AGBL4: variants seen among roughly 807,000 people sequenced by gnomAD.
AGBL4 encodes AGBL carboxypeptidase 4.
A neutral mutation model predicts 66.4 loss-of-function variants in AGBL4; 58 were observed. The ratio of observed to expected loss-of-function variants is 0.87; its 90% CI spans 0.71 to 1.09. The LOEUF (loss-of-function observed/expected upper bound fraction) is 1.09. Among genes scored for constraint, AGBL4 ranks in the 50% least tolerant of loss-of-function variants. AGBL4 has a pLI of 0.00. For missense variants in AGBL4, 579 were observed against 631.0 expected (o/e 0.92, Z 0.88); for synonymous variants, 234 against 222.9 (o/e 1.05, Z -0.44).
intron 3 of AGBL4, among the ~76,000 whole-genome samples, chr1:49,619,684 C>A (rs1408730643): frequency 1.3e-5 from 2 of 151,910 alleles, no homozygotes; most frequent in African/African-American, 4.8e-5. Context: ...CTAAAAAAAA[C>A]AAAGCTGGAG....
At chr1:48,566,370 C>G (rs753297632) in intron 11 of AGBL4, among the ~76,000 whole-genome samples, 5 of 152,172 alleles carry the variant, frequency 3.3e-5, no homozygotes, top group Non-Finnish European at 7.3e-5. Context: ...TAAAATGAAA[C>G]TCTCAATAAA....
chr1:49,348,598 G>A (rs932462503), intron 3 of AGBL4, among the ~76,000 whole-genome samples: 1 of 152,214 alleles, frequency 6.6e-6, no homozygotes, highest in African/African-American at 2.4e-5. Context: ...GGCAAGGAAT[G>A]TTTTCTGTCC....
chr1:49,532,573 T>A (rs1651224243), intron 3 of AGBL4, among the ~76,000 whole-genome samples: 1 of 152,130 alleles, frequency 6.6e-6, no homozygotes, highest in South Asian at 2.1e-4. Context: ...TATGCCTTTG[T>A]GTTACACTGC....
At position 48,736,375 on chromosome 1, in the gene AGBL4, G is replaced by T; in HGVS notation, c.635-73134C>A. On this transcript the variant is annotated intron_variant, in intron 6 of 13. Transcript: ENST00000371839. The surrounding 1 kb of genome is among the most constrained non-coding windows in gnomAD (Gnocchi z 4.0). Reference sequence around the variant, plus strand: ...AAATCATAACTGCCAAGTTCTTCGTGTACTTGGAATCTCCTTGGGTTACTT... The same window carrying T: ...AAATCATAACTGCCAAGTTCTTCGTTTACTTGGAATCTCCTTGGGTTACTT... 6.2e-7 allele frequency: 1 copy of T among 1,614,044 alleles called. No individual in the cohort carries two copies. The highest frequency in any genetic ancestry group is 8.5e-7 in the Non-Finnish European group (1 of 1,180,028).
intron 3 of AGBL4, among the ~76,000 whole-genome samples, chr1:49,533,578 T>C (rs1375528352): frequency 1.3e-5 from 2 of 152,132 alleles, no homozygotes; most frequent in Admixed American, 6.5e-5. Flanking sequence ...TTCTGGATTA[T>C]TATGCCAAGG....
At chr1:49,872,629 T>C (rs1646865173) in intron 1 of AGBL4, among the ~76,000 whole-genome samples, 1 of 152,082 alleles carries the variant, frequency 6.6e-6, no homozygotes. Context: ...CTCAAGGCTT[T>C]TTAAAAGGTC....
At chr1:50,010,306 CAA>C (rs35823694) in intron 1 of AGBL4, among the ~76,000 whole-genome samples, 38 of 144,528 alleles carry the variant, frequency 2.6e-4, no homozygotes, top group Non-Finnish European at 3.5e-4. Flanking sequence ...GACTCCATCT[CAA>C]AAAAAAAAAA....
At chr1:48,681,781 G>A (rs1646459499) in intron 6 of AGBL4, among the ~76,000 whole-genome samples, 1 of 152,170 alleles carries the variant, frequency 6.6e-6, no homozygotes, top group Non-Finnish European at 1.5e-5. Flanking sequence ...CTTGGCTCAA[G>A]TCTGCCAAGA....
chr1:49,160,062 T>C (rs1296052931), intron 4 of AGBL4, among the ~76,000 whole-genome samples: 1 of 152,226 alleles, frequency 6.6e-6, no homozygotes, highest in East Asian at 1.9e-4. Context: ...AGTGTACTTC[T>C]GTCAATTTGT....
At chr1:49,999,578 A>G (rs1409341935) in intron 1 of AGBL4, among the ~76,000 whole-genome samples, 1 of 152,116 alleles carries the variant, frequency 6.6e-6, no homozygotes, top group Non-Finnish European at 1.5e-5. Flanking sequence ...TAGAAAAAAC[A>G]ATCCTAAAAT....
At chr1:49,932,292 T>C (rs567061818) in intron 1 of AGBL4, among the ~76,000 whole-genome samples, 6 of 152,248 alleles carry the variant, frequency 3.9e-5, no homozygotes, top group African/African-American at 1.4e-4. Flanking sequence ...TGAGAACAAC[T>C]GGATGTTCAC....
chr1:49,672,530 G>A (rs1422394204), intron 3 of AGBL4, among the ~76,000 whole-genome samples: 1 of 151,234 alleles, frequency 6.6e-6, no homozygotes, highest in Non-Finnish European at 1.5e-5. Context: ...CAAACCCAAA[G>A]TAATTACAAG....
intron 2 of AGBL4, among the ~76,000 whole-genome samples, chr1:49,704,936 T>G (rs1211621308): frequency 1.3e-5 from 2 of 152,178 alleles, no homozygotes; most frequent in Non-Finnish European, 2.9e-5. Context: ...CATAAGAAAT[T>G]TAAAGTAGTT....
intron 4 of AGBL4, among the ~76,000 whole-genome samples, chr1:49,114,873 T>C (rs1246734819): frequency 6.6e-6 from 1 of 152,150 alleles, no homozygotes; most frequent in Admixed American, 6.6e-5. Flanking sequence ...ACAATTACAA[T>C]AGTAGCATCA....
chr1:49,525,933 A>T (rs1224057957), intron 3 of AGBL4, among the ~76,000 whole-genome samples: 1 of 151,782 alleles, frequency 6.6e-6, no homozygotes. Flanking sequence ...TAAAAAAAAA[A>T]TACAAAAAAT....
intron 6 of AGBL4, among the ~76,000 whole-genome samples, chr1:48,718,705 G>T (rs1346757576): frequency 6.6e-6 from 1 of 152,154 alleles, no homozygotes; most frequent in Non-Finnish European, 1.5e-5. Flanking sequence ...TGGGTCATGG[G>T]ATGCTGTCAG....
intron 3 of AGBL4, among the ~76,000 whole-genome samples, chr1:49,409,611 A>G (rs72684885): frequency 1.9e-4 from 29 of 152,340 alleles, no homozygotes; most frequent in Middle Eastern, 3.4e-3. Context: ...GGCTTCATTT[A>G]AAATCTTACT....
chr1:49,757,824 T>G lies in AGBL4; in HGVS notation c.158-60387A>C, dbSNP rs1373988368. On this transcript the variant is annotated intron_variant, in intron 2 of 13. Transcript: ENST00000371839. ...GTTTGGAAAATTTGCAGACTGACAATGCAATAGAAAAGAAAAATCCATTTT... is the reference window on the plus strand; with the variant it reads ...GTTTGGAAAATTTGCAGACTGACAAGGCAATAGAAAAGAAAAATCCATTTT... Among the ~76,000 whole-genome samples, 3 of 152,096 alleles carry G rather than the reference T, an allele frequency of 2.0e-5. No homozygotes were observed. The East Asian group carries it at 5.8e-4, about 29-fold the overall frequency.
At chr1:49,533,363 C>G (rs975210637) in intron 3 of AGBL4, among the ~76,000 whole-genome samples, 2 of 152,176 alleles carry the variant, frequency 1.3e-5, no homozygotes, top group Admixed American at 1.3e-4. Flanking sequence ...AATATGAATG[C>G]TTAATCCTGG....
Sources: gnomAD v4.1 joint callset for allele counts (sites outside exome capture counted in the v4.1 genomes callset) on GRCh38, gnomAD v4.1.1 for gene constraint, Gnocchi (gnomAD v3.1) non-coding constraint, MANE v1.5 for transcripts, NCBI Gene and HGNC (gene_info 2026-07-23, HGNC 2026-07-21) for gene names.